Variants in DMD observed in about 807,000 individuals in gnomAD.
DMD encodes mutant dystrophin.
In DMD, 63 loss-of-function variants were observed where a neutral mutation model predicts 330.1. The observed-to-expected ratio is 0.19, with a 90% CI of 0.16 to 0.24. DMD has a LOEUF of 0.24. Among genes scored for constraint, DMD ranks in the 10% least tolerant of loss-of-function variants. The pLI, the probability that DMD is intolerant of heterozygous loss-of-function variation, is 1.00. For missense variants in DMD, 3,344 were observed against 2,684.1 expected (o/e 1.25, Z -5.43); for synonymous variants, 1,223 against 959.8 (o/e 1.27, Z -5.07).
chrX:31,577,539 C>T (rs1211493893), intron 55 of DMD, among the ~76,000 whole-genome samples: 1 of 111,976 alleles, frequency 8.9e-6, no homozygotes, highest in African/African-American at 3.2e-5. Context: ...TTTTAAAGAA[C>T]CACAGCAGCT....
At chrX:32,670,381 C>A (rs371709679) in intron 9 of DMD, among the ~76,000 whole-genome samples, 1 of 111,844 alleles carries the variant, frequency 8.9e-6, no homozygotes, top group Non-Finnish European at 1.9e-5. Context: ...AATTTTAACA[C>A]AAAGGCCAGA....
intron 2 of DMD, among the ~76,000 whole-genome samples, chrX:32,982,945 C>A (rs909917508): frequency 1.8e-5 from 2 of 111,964 alleles, no homozygotes; most frequent in Admixed American, 1.9e-4. Flanking sequence ...GTTCCATCCC[C>A]AAATATGCCA....
intron 2 of DMD, among the ~76,000 whole-genome samples, chrX:32,993,459 C>T (rs1335191184): frequency 2.7e-5 from 3 of 109,777 alleles, no homozygotes; most frequent in African/African-American, 1.0e-4. Flanking sequence ...AATAATTAGC[C>T]AGGCATGGTG....
At position 32,659,933 on chromosome X, in the gene DMD, C is replaced by T. The variant is rs2060836921; in HGVS notation, c.961-14781G>A. On this transcript the variant is annotated intron_variant, in intron 9 of 78. Transcript: ENST00000357033. ...AGAATGGTATTAATTCTTGGGAAGACTCTGGTAGATTTCATTAACACCTGC... is the reference window on the plus strand; with the variant it reads ...AGAATGGTATTAATTCTTGGGAAGATTCTGGTAGATTTCATTAACACCTGC... 2.7e-5 allele frequency among the ~76,000 whole-genome samples: 3 copies of T among 110,820 alleles called. No individual in the cohort carries two copies. The Admixed American group carries it at 2.9e-4, about 11-fold the overall frequency.
chrX:31,711,040 T>C (rs1270217440), intron 52 of DMD, among the ~76,000 whole-genome samples: 1 of 110,575 alleles, frequency 9.0e-6, no homozygotes, highest in Non-Finnish European at 1.9e-5. Flanking sequence ...TCTTTGACTA[T>C]TGATAGGTCA....
chrX:32,452,162 C>T, intron 26 of DMD, among the ~76,000 whole-genome samples: 1 of 107,184 alleles, frequency 9.3e-6, no homozygotes, highest in East Asian at 2.9e-4. Context: ...AGCAGCTGAA[C>T]ACAAATGACT....
chrX:32,865,804 G>C (rs1047411604), intron 2 of DMD, among the ~76,000 whole-genome samples: 2 of 112,376 alleles, frequency 1.8e-5, no homozygotes, highest in African/African-American at 6.5e-5. Flanking sequence ...AAAATATTTG[G>C]CAAGGAAGCC....
intron 11 of DMD, among the ~76,000 whole-genome samples, chrX:32,636,860 T>A (rs2059129754): frequency 9.1e-6 from 1 of 109,770 alleles, no homozygotes; most frequent in African/African-American, 3.3e-5. Flanking sequence ...TAGCCGAGCG[T>A]GGTGGCGGGC....
intron 50 of DMD, 63 bp from the exon 51 acceptor site, chrX:31,774,255 G>A: frequency 1.3e-6 from 1 of 793,327 alleles, no homozygotes; most frequent in Admixed American, 2.6e-5. Flanking sequence ...AGAAACACAA[G>A]CTAAAGAGCC....
chrX:31,314,634 G>C, intron 62 of DMD, among the ~76,000 whole-genome samples: 1 of 110,874 alleles, frequency 9.0e-6, no homozygotes, highest in Non-Finnish European at 1.9e-5. Flanking sequence ...TCAATATCCA[G>C]AGATACTGTT....
At chrX:33,216,233 T>C (rs898328172), upstream of DMD, among the ~76,000 whole-genome samples, 2 of 111,809 alleles carry the variant, frequency 1.8e-5, no homozygotes, top group Non-Finnish European at 3.8e-5. Flanking sequence ...CCTTGTATAG[T>C]TCTTTCACCT....
At chrX:33,232,936 C>G (rs957167725) in intron 1 of DMD, among the ~76,000 whole-genome samples, 1 of 111,046 alleles carries the variant, frequency 9.0e-6, no homozygotes, top group Non-Finnish European at 1.9e-5. Context: ...CGGAAGGGTC[C>G]TACCGGGAAA....
chrX:32,299,449 TCAAAGTGAA>T, intron 42 of DMD, among the ~76,000 whole-genome samples: 1 of 109,345 alleles, frequency 9.1e-6, no homozygotes, highest in East Asian at 2.9e-4. Flanking sequence ...GAAAGGATAA[TCAAAGTGAA>T]TAACAAAGTG....
intron 47 of DMD, among the ~76,000 whole-genome samples, chrX:31,922,522 G>GTGTGTGTT (rs1479732845): frequency 2.8e-5 from 3 of 108,139 alleles, no homozygotes; most frequent in African/African-American, 1.0e-4. Flanking sequence ...GTGTGTGTGT[G>GTGTGTGTT]TGTGCGCGCG....
At chrX:32,228,526 T>C (rs758044427) in intron 43 of DMD, among the ~76,000 whole-genome samples, 2 of 112,057 alleles carry the variant, frequency 1.8e-5, no homozygotes, top group East Asian at 5.6e-4. Flanking sequence ...GTAATGCTAC[T>C]TTTAATACCA....
At chrX:32,902,158 A>ACACAC (rs2086311170) in intron 2 of DMD, among the ~76,000 whole-genome samples, 25 of 86,620 alleles carry the variant, frequency 2.9e-4, no homozygotes, top group East Asian at 7.2e-4. Context: ...CACACACACA[A>ACACAC]ACACACACAC....
rs2049355756 is a variant in DMD, at chrX:33,171,680, G to A, written c.31+39602C>T. Among the ~76,000 whole-genome samples the A allele has an allele frequency of 2.7e-5, 3 of 111,627 alleles. No individual in the cohort carries two copies. In the South Asian group the frequency reaches 1.1e-3, roughly 41 times the overall value. On this transcript the variant is annotated intron_variant, in intron 1 of 78. Coordinates refer to ENST00000357033, the MANE Select transcript of DMD (RefSeq NM_004006.3). The stretch of plus-strand genomic sequence containing the variant: ...GTCATGCAAAATAATTGAGAAATGA[G>A]TCATGCAATTTATTGCTGCATTTTA...
chrX:33,190,886 A>T (rs1484342214), intron 1 of DMD, among the ~76,000 whole-genome samples: 36 of 2,694 alleles, frequency 0.013, no homozygotes, highest in African/African-American at 0.018. Context: ...TATAATATAT[A>T]ATATTATATA....
At chrX:32,894,450 C>T (rs1441894382) in intron 2 of DMD, among the ~76,000 whole-genome samples, 2 of 112,603 alleles carry the variant, frequency 1.8e-5, no homozygotes, top group African/African-American at 3.2e-5. Context: ...GTAGTGATGG[C>T]GGCGGTGGGA....
Sources: gnomAD v4.1 joint callset for allele counts (sites outside exome capture counted in the v4.1 genomes callset) on GRCh38, gnomAD v4.1.1 for gene constraint, MANE v1.5 for transcripts, NCBI Gene and HGNC (gene_info 2026-07-23, HGNC 2026-07-21) for gene names.